NCOR2: variants seen among roughly 807,000 people sequenced by gnomAD.
The protein encoded by NCOR2 is CTG repeat protein 26.
A neutral mutation model predicts 262.9 loss-of-function variants in NCOR2; 81 were observed. The ratio of observed to expected loss-of-function variants is 0.31; its 90% CI spans 0.26 to 0.37. NCOR2 has a LOEUF of 0.37. Among genes scored for constraint, NCOR2 ranks in the 10% least tolerant of loss-of-function variants. The probability of loss-of-function intolerance (pLI) is 1.00; values close to 1 mark genes in which losing one functional copy is unlikely to be tolerated. For synonymous variants in NCOR2, 1,659 were observed against 1,559.3 expected (o/e 1.06, Z -1.51); for missense variants, 3,385 against 3,621.4 (o/e 0.93, Z 1.68).
rs1470609066 is a variant in NCOR2 at position 124,333,871 on chromosome 12, TGTGTGCGGGTGTGCATGTGTGTGTGCGC to T, written c.6605+525_6605+552del. ...GCGGGTGTGCATGTGTGTGTGCGCATGTGTGCGGGTGTGCATGTGTGTGTGCGCGCGCATGTGTGCGGGTGTGCATGTG... is the reference window on the plus strand; with the variant it reads ...GCGGGTGTGCATGTGTGTGTGCGCATGCGCATGTGTGCGGGTGTGCATGTG... On this transcript the variant is annotated intron_variant, in intron 41 of 46. Coordinates refer to ENST00000405201, the Ensembl canonical transcript of NCOR2. 2.5e-4 allele frequency among the ~76,000 whole-genome samples: 23 copies of T among 91,756 alleles called. 1 individual carries two copies. Among genetic ancestry groups the T allele is most frequent in the South Asian group, 7.8e-4 (2 of 2,578 alleles). The allele number at this position is 91,756 out of a possible 152,430, so 60.2% of individuals were successfully genotyped here. A position where few individuals can be genotyped will look rare whatever the true frequency, so the allele number is the denominator to read the frequency against.
At chr12:124,563,233 A>G (rs1295708292) in intron 1 of NCOR2, among the ~76,000 whole-genome samples, 1 of 152,208 alleles carries the variant, frequency 6.6e-6, no homozygotes, top group African/African-American at 2.4e-5. Context: ...TGGGGATGGC[A>G]GATGAAACAC....
At position 124,430,606 on chromosome 12, in the gene NCOR2, C is replaced by A. The variant is rs749677112; in HGVS notation, c.1055+9G>T. The A allele has an allele frequency of 1.2e-6, 2 of 1,604,080 alleles. No individual in the cohort carries two copies. The highest frequency in any genetic ancestry group is 1.7e-6 in the Non-Finnish European group (2 of 1,174,274). ...GACGTCGGGGGCCCTGGGCTCAGGC[C>A]CCGCTCACCTCTGCATGCGCTCCTG... On this transcript the variant is annotated intron_variant, in intron 9 of 46. Coordinates refer to ENST00000405201, the Ensembl canonical transcript of NCOR2.
intron 1 of NCOR2, among the ~76,000 whole-genome samples, chr12:124,557,936 C>T (rs1408349187): frequency 6.6e-6 from 1 of 152,152 alleles, no homozygotes; most frequent in Admixed American, 6.5e-5. Context: ...CCCCTGCAGG[C>T]CCCCATGCTG....
chr12:124,332,581 G>T, intron 42 of NCOR2, 114 bp from the exon 45 acceptor site: 1 of 1,328,388 alleles, frequency 7.5e-7, no homozygotes. Flanking sequence ...AGCTTCACCC[G>T]CCCCCACGCC....
chr12:124,430,576 GC>G, intron 9 of NCOR2, 38 bp downstream of exon 11: 1 of 1,573,376 alleles, frequency 6.4e-7, no homozygotes, highest in Non-Finnish European at 8.6e-7. Context: ...CTGACCCCGG[GC>G]CCTGACGTCG....
In NCOR2 at chr12:124,389,185, A is replaced by T. The variant is rs529426029; in HGVS notation, c.1877-3298T>A. 3.3e-5 allele frequency among the ~76,000 whole-genome samples: 5 copies of T among 152,342 alleles called. No homozygotes were observed. The South Asian group carries it at 1.0e-3, about 32-fold the overall frequency. ...ATGTGCCCAGTGCGGACGCTCAGCG[A>T]GCAATGCCGGCCAGAGCCCACAGAC... On this transcript the variant is annotated intron_variant, in intron 16 of 46. Coordinates refer to ENST00000405201, the Ensembl canonical transcript of NCOR2. The surrounding 1 kb of genome is among the most constrained non-coding windows in gnomAD (Gnocchi z 4.4).
chr12:124,401,926 C>T (rs955928441), intron 14 of NCOR2, among the ~76,000 whole-genome samples: 4 of 152,184 alleles, frequency 2.6e-5, no homozygotes, highest in Admixed American at 2.0e-4. Context: ...ACGGCCCCCG[C>T]GGTGAGGCTG....
At chr12:124,527,085 G>A (rs2050511862) in intron 1 of NCOR2, among the ~76,000 whole-genome samples, 1 of 152,222 alleles carries the variant, frequency 6.6e-6, no homozygotes, top group African/African-American at 2.4e-5. Context: ...TCTGTTTATG[G>A]CAGTCGTGGA....
exon 46 of NCOR2, chr12:124,326,304 C>T: frequency 1.3e-6 from 2 of 1,560,862 alleles, no homozygotes; most frequent in Non-Finnish European, 8.6e-7. Context: ...AGATGCCAGG[C>T]CCGGGGCCGG....
At chr12:124,470,239 C>T (rs2046763064) in intron 4 of NCOR2, among the ~76,000 whole-genome samples, 1 of 151,346 alleles carries the variant, frequency 6.6e-6, no homozygotes, top group African/African-American at 2.4e-5. Context: ...AATCTTCATG[C>T]ATTGCTGGTA....
chr12:124,539,805 A>G (rs2051234611), upstream of NCOR2: 1 of 152,400 alleles, frequency 6.6e-6, no homozygotes, highest in South Asian at 2.1e-4. The surrounding 1 kb of genome is among the most constrained non-coding windows in gnomAD (Gnocchi z 5.1). Flanking sequence ...ACCCTGCTGG[A>G]ACCAGAACAA....
At chr12:124,339,333 A>G (rs1212323161) in intron 37 of NCOR2, among the ~76,000 whole-genome samples, 1 of 125,218 alleles carries the variant, frequency 8.0e-6, no homozygotes, top group Non-Finnish European at 1.6e-5. Flanking sequence ...CCATCCATCC[A>G]TCTGGCTAAC....
intron 38 of NCOR2, 92 bp downstream of exon 40, chr12:124,336,661 C>A: frequency 6.5e-7 from 1 of 1,528,594 alleles, no homozygotes; most frequent in Non-Finnish European, 8.8e-7. Flanking sequence ...AGCCGTTGGC[C>A]AGCGCACCTC....
intron 16 of NCOR2, among the ~76,000 whole-genome samples, chr12:124,387,510 G>A (rs965179810): frequency 6.6e-6 from 1 of 152,344 alleles, no homozygotes; most frequent in South Asian, 2.1e-4. Flanking sequence ...CAACGCGGGC[G>A]TGGGGCCCCA....
At chr12:124,431,259 C>CA (rs532756004) in intron 8 of NCOR2, among the ~76,000 whole-genome samples, 1 of 151,420 alleles carries the variant, frequency 6.6e-6, no homozygotes, top group South Asian at 2.1e-4. Flanking sequence ...CAGGCACACA[C>CA]AAGTCACACA....
intron 20 of NCOR2, among the ~76,000 whole-genome samples, chr12:124,371,787 G>A (rs942421496): frequency 5.3e-5 from 8 of 152,112 alleles, no homozygotes; most frequent in African/African-American, 1.9e-4. Flanking sequence ...TGCCTCCTCT[G>A]TCCGGGTCTC....
chr12:124,362,076 C>T (rs569078925), intron 22 of NCOR2, 50 bp downstream of exon 24: 29 of 1,252,134 alleles, frequency 2.3e-5, no homozygotes, highest in African/African-American at 1.2e-4. Flanking sequence ...ATCCCTTGCC[C>T]GTCAGTCCCC....
At chr12:124,516,459 C>G (rs1041776979) in intron 1 of NCOR2, among the ~76,000 whole-genome samples, 1 of 152,146 alleles carries the variant, frequency 6.6e-6, no homozygotes, top group Non-Finnish European at 1.5e-5. Context: ...TTATCTGGAC[C>G]CAGGTTTCTA....
chr12:124,355,210 T>TG, intron 24 of NCOR2: 1 of 630,616 alleles, frequency 1.6e-6, no homozygotes, highest in Non-Finnish European at 2.7e-6. Flanking sequence ...CCACACAGCC[T>TG]GGTTCCTGAG....
Sources: gnomAD v4.1 joint callset for allele counts (sites outside exome capture counted in the v4.1 genomes callset) on GRCh38, gnomAD v4.1.1 for gene constraint, Gnocchi (gnomAD v3.1) non-coding constraint, MANE v1.5 for transcripts, NCBI Gene and HGNC (gene_info 2026-07-23, HGNC 2026-07-21) for gene names.